NUP210L: variants seen among roughly 807,000 people sequenced by gnomAD.
NUP210L encodes nucleoporin 210 like, also known as nuclear pore membrane glycoprotein 210-like.
In NUP210L, 74 loss-of-function variants were observed where a neutral mutation model predicts 208.5. The ratio of observed to expected loss-of-function variants is 0.35; its 90% CI spans 0.29 to 0.43. NUP210L has a LOEUF of 0.43. NUP210L is among the 20% of genes least tolerant of loss of function. NUP210L has a pLI of 1.00. For missense variants in NUP210L, 1,843 were observed against 2,289.4 expected (o/e 0.81, Z 3.98); for synonymous variants, 780 against 816.9 (o/e 0.95, Z 0.77).
chr1:154,075,200 G>A (rs1008670499), intron 16 of NUP210L, among the ~76,000 whole-genome samples: 1 of 152,076 alleles, frequency 6.6e-6, no homozygotes, highest in Non-Finnish European at 1.5e-5. Flanking sequence ...TGGGTTATAG[G>A]CCCTTTCAGT....
At chr1:154,098,164 A>G (rs913835839) in intron 14 of NUP210L, among the ~76,000 whole-genome samples, 4 of 152,216 alleles carry the variant, frequency 2.6e-5, no homozygotes, top group Non-Finnish European at 5.9e-5. Flanking sequence ...TGGCTAGATC[A>G]GGTGCACTGC....
chr1:154,035,979 G>A (rs868151357), intron 27 of NUP210L, among the ~76,000 whole-genome samples: 2 of 147,524 alleles, frequency 1.4e-5, no homozygotes, highest in African/African-American at 2.5e-5. Flanking sequence ...GTGATCCACC[G>A]GCCTCGGCCT....
At chr1:154,107,473 CAA>C (rs60482405) in intron 12 of NUP210L, among the ~76,000 whole-genome samples, 2 of 95,266 alleles carry the variant, frequency 2.1e-5, no homozygotes. Context: ...GACTCCGTCT[CAA>C]AAAAAAAAAA....
At position 154,058,084 on chromosome 1, in the gene NUP210L, C is replaced by T; in HGVS notation, c.3107+5G>A. On this transcript the variant is annotated splice_donor_5th_base_variant and intron_variant, in intron 22 of 39. Transcript: ENST00000368559. The stretch of plus-strand genomic sequence containing the variant: ...GTGGGAAGGAAGTATTGAAATGGTA[C>T]TTACGTCAGGGTGACAATGGCAGAA... 1.9e-6 allele frequency: 3 copies of T among 1,614,000 alleles called. No homozygotes were observed. Among genetic ancestry groups the T allele is most frequent in the Non-Finnish European group, 2.5e-6 (3 of 1,179,924 alleles).
chr1:154,055,966 G>A (rs887236452), intron 23 of NUP210L, among the ~76,000 whole-genome samples: 4 of 152,114 alleles, frequency 2.6e-5, no homozygotes, highest in Non-Finnish European at 4.4e-5. Flanking sequence ...GGCTGAGGCA[G>A]GAGAATCGCT....
At chr1:154,138,202 C>T (rs1444254509) in exon 6 of NUP210L, 2 of 1,542,230 alleles carry the variant, frequency 1.3e-6, no homozygotes. Flanking sequence ...AATATATTCT[C>T]CAAAACAAGC....
Position 154,071,974 on chromosome 1 carries a change from G to A in NUP210L, c.2362-1509C>T, listed in dbSNP as rs548061962. 7.3e-4 allele frequency among the ~76,000 whole-genome samples: 101 copies of A among 137,814 alleles called. 1 individual carries two copies. The East Asian group carries it at 0.013, about 17-fold the overall frequency. The allele number at this position is 137,814 out of a possible 152,430, so 90.4% of individuals were successfully genotyped here. Reference sequence around the variant, plus strand: ...TTATATGGCTGAGTAGTATTCCATCGCGTGTGTGTGTGTGTGTGTGTGTGT... The same window carrying A: ...TTATATGGCTGAGTAGTATTCCATCACGTGTGTGTGTGTGTGTGTGTGTGT... On this transcript the variant is annotated intron_variant, in intron 16 of 39. Transcript: ENST00000368559.
chr1:154,060,667 T>C, intron 19 of NUP210L, 26 bp from the exon 20 acceptor site: 1 of 1,451,502 alleles, frequency 6.9e-7, no homozygotes. Flanking sequence ...ACAAACAATA[T>C]TCTGTTTGCT....
chr1:154,115,928 G>A (rs1427795781), intron 12 of NUP210L, among the ~76,000 whole-genome samples: 2 of 152,016 alleles, frequency 1.3e-5, no homozygotes, highest in Non-Finnish European at 2.9e-5. Flanking sequence ...AGATCAGCCT[G>A]GCCATAATGG....
rs1434093544 is a variant in NUP210L, at chr1:154,140,666, C to CAAAAAAAAAAAAAAAAA, written c.567-715_567-714insTTTTTTTTTTTTTTTTT. On this transcript the variant is annotated intron_variant, in intron 4 of 39. Transcript: ENST00000368559. ...TGAGTGACAGAGCAAGACTCCATCT[C>CAAAAAAAAAAAAAAAAA]AAAAAAAAAAACAGAAAAAGAAAAG... Among the ~76,000 whole-genome samples the CAAAAAAAAAAAAAAAAA allele has an allele frequency of 2.8e-4, 29 of 102,454 alleles. 4 individuals are homozygous for CAAAAAAAAAAAAAAAAA. The highest frequency in any genetic ancestry group is 5.7e-4 in the Non-Finnish European group (26 of 45,226). 67.2% of individuals were successfully genotyped at this position (102,454 alleles called of 152,430 possible).
chr1:154,028,142 G>T (rs1199957512), intron 28 of NUP210L, among the ~76,000 whole-genome samples: 1 of 151,964 alleles, frequency 6.6e-6, no homozygotes, highest in Admixed American at 6.6e-5. Context: ...AAACTTACTC[G>T]ACCCATATAA....
At chr1:154,138,455 T>G (rs1480777821) in intron 5 of NUP210L, among the ~76,000 whole-genome samples, 1 of 152,118 alleles carries the variant, frequency 6.6e-6, no homozygotes, top group Admixed American at 6.6e-5. Flanking sequence ...ATACTCAGAC[T>G]TAGAACAAAA....
At chr1:154,081,481 A>C (rs1384557482) in intron 16 of NUP210L, among the ~76,000 whole-genome samples, 5 of 152,080 alleles carry the variant, frequency 3.3e-5, no homozygotes, top group African/African-American at 1.2e-4. Flanking sequence ...ATAACATTTG[A>C]GTTTATGCTA....
At chr1:154,027,017 A>T (rs565596089) in intron 29 of NUP210L, among the ~76,000 whole-genome samples, 1 of 133,982 alleles carries the variant, frequency 7.5e-6, no homozygotes, top group East Asian at 2.5e-4. Flanking sequence ...TGGGAGGTGG[A>T]GGTTGCAGTG....
intron 27 of NUP210L, among the ~76,000 whole-genome samples, chr1:154,044,848 C>A (rs1371020989): frequency 1.3e-5 from 2 of 152,128 alleles, no homozygotes; most frequent in Admixed American, 1.3e-4. Flanking sequence ...AATTTGTCGG[C>A]AGCAAACTTT....
intron 15 of NUP210L, among the ~76,000 whole-genome samples, chr1:154,091,286 G>A (rs1021128691): frequency 7.3e-5 from 11 of 151,318 alleles, no homozygotes; most frequent in Non-Finnish European, 1.5e-4. Context: ...AGTAGAGACA[G>A]GGCTTTGCCA....
chr1:154,080,247 C>G (rs1655250328), intron 16 of NUP210L, among the ~76,000 whole-genome samples: 2 of 151,842 alleles, frequency 1.3e-5, no homozygotes, highest in Non-Finnish European at 2.9e-5. Context: ...GTAATCCCAG[C>G]TACTCGGGAG....
rs76800011 is a variant in NUP210L, at chr1:154,123,073, C to A, written c.1326+3250G>T. 5.7e-5 allele frequency among the ~76,000 whole-genome samples: 8 copies of A among 140,938 alleles called. No individual in the cohort carries two copies. The East Asian group carries it at 6.3e-4, about 11-fold the overall frequency. 92.5% of individuals were successfully genotyped at this position (140,938 alleles called of 152,430 possible). On this transcript the variant is annotated intron_variant, in intron 10 of 39. Coordinates refer to ENST00000368559, the Ensembl canonical transcript of NUP210L. ...CTCAAAAAAAAAAAAAAAAAAACCA[C>A]AAAAAACTACTAGAGCTAATAAATT...
At chr1:154,094,142 G>T (rs1656069085) in intron 15 of NUP210L, among the ~76,000 whole-genome samples, 1 of 152,148 alleles carries the variant, frequency 6.6e-6, no homozygotes, top group African/African-American at 2.4e-5. Flanking sequence ...AATTAGCCAG[G>T]CGTGGTGGCG....
Sources: gnomAD v4.1 joint callset for allele counts (sites outside exome capture counted in the v4.1 genomes callset) on GRCh38, gnomAD v4.1.1 for gene constraint, MANE v1.5 for transcripts, NCBI Gene and HGNC (gene_info 2026-07-23, HGNC 2026-07-21) for gene names.